ME3: variants seen among roughly 807,000 people sequenced by gnomAD.
The protein encoded by ME3 is malic enzyme 3.
Under a neutral mutation model 68.9 loss-of-function variants are expected in ME3, and 48 were observed. That is an observed-to-expected ratio of 0.70 (90% CI 0.55 to 0.89). The LOEUF (loss-of-function observed/expected upper bound fraction) is 0.89, where lower values mean the gene tolerates loss of function less well. ME3 is among the 40% of genes least tolerant of loss of function. ME3 has a pLI of 0.00. For synonymous variants in ME3, 320 were observed against 318.8 expected, an observed-to-expected ratio of 1.00 and a Z score of -0.04; for missense variants, 675 against 797.4, an observed-to-expected ratio of 0.85 and a Z score of 1.85.
At chr11:86,596,816 G>A (rs906841365) in intron 2 of ME3, among the ~76,000 whole-genome samples, 2 of 152,180 alleles carry the variant, frequency 1.3e-5, no homozygotes, top group African/African-American at 4.8e-5. Context: ...CTTCCCTTCT[G>A]CTCTCCTTTT....
chr11:86,580,109 C>G (rs1958351795), intron 2 of ME3, among the ~76,000 whole-genome samples: 1 of 152,190 alleles, frequency 6.6e-6, no homozygotes, highest in African/African-American at 2.4e-5. Flanking sequence ...GCTCGAGAAT[C>G]TATATGTTTA....
At chr11:86,437,693 A>G (rs1182005302), downstream of ME3, among the ~76,000 whole-genome samples, 1 of 152,126 alleles carries the variant, frequency 6.6e-6, no homozygotes, top group African/African-American at 2.4e-5. Flanking sequence ...ATTTATTTCT[A>G]AGTATCTTTT....
chr11:86,628,992 TC>T (rs2135311088), intron 2 of ME3, among the ~76,000 whole-genome samples: 1 of 152,330 alleles, frequency 6.6e-6, no homozygotes, highest in South Asian at 2.1e-4. Flanking sequence ...CCGCTCTTCT[TC>T]CTCACAGTCT....
chr11:86,659,926 T>G (rs1946169979), intron 2 of ME3, among the ~76,000 whole-genome samples: 1 of 151,976 alleles, frequency 6.6e-6, no homozygotes, highest in Non-Finnish European at 1.5e-5. Flanking sequence ...TTTAAGTTAG[T>G]TTTTAAACCT....
intron 2 of ME3, among the ~76,000 whole-genome samples, chr11:86,619,212 A>T (rs1220461742): frequency 6.6e-6 from 1 of 152,216 alleles, no homozygotes; most frequent in African/African-American, 2.4e-5. Flanking sequence ...TTTTCTCATA[A>T]ATTACCCAGT....
intron 2 of ME3, among the ~76,000 whole-genome samples, chr11:86,593,752 A>T (rs1959172837): frequency 6.8e-6 from 1 of 146,606 alleles, no homozygotes; most frequent in African/African-American, 2.5e-5. Context: ...TATGTATAAA[A>T]TTTTTTAGTC....
chr11:86,453,534 A>G (rs1389396893), intron 8 of ME3, among the ~76,000 whole-genome samples: 1 of 152,174 alleles, frequency 6.6e-6, no homozygotes, highest in Non-Finnish European at 1.5e-5. Flanking sequence ...CTTCCCCCCC[A>G]CCACCCCAGC....
rs149817705 is a variant in ME3, at chr11:86,641,926, T to C, written c.183+29836A>G. Reference sequence around the variant, plus strand: ...GCTTTTTACTTGGACAATTGGCTGATAGTGAGTCAAACTAGCCAAGAAAAT... The same window carrying C: ...GCTTTTTACTTGGACAATTGGCTGACAGTGAGTCAAACTAGCCAAGAAAAT... On this transcript the variant is annotated intron_variant, in intron 2 of 14. Coordinates refer to ENST00000543262, the Ensembl canonical transcript of ME3. Among the ~76,000 whole-genome samples the C allele has an allele frequency of 4.1e-4, 63 of 152,324 alleles. No individual in the cohort carries two copies. The East Asian group carries it at 0.011, about 27-fold the overall frequency.
intron 4 of ME3, among the ~76,000 whole-genome samples, chr11:86,515,683 G>A (rs1009058653): frequency 1.7e-4 from 26 of 152,140 alleles, no homozygotes; most frequent in Admixed American, 1.4e-3. Flanking sequence ...CTGAGATCCC[G>A]CTGATATGGT....
chr11:86,654,209 C>A (rs1437713849), intron 2 of ME3, among the ~76,000 whole-genome samples: 2 of 152,146 alleles, frequency 1.3e-5, no homozygotes, highest in Non-Finnish European at 2.9e-5. Context: ...CTATTCCAAT[C>A]AATAGAAAAT....
chr11:86,532,909 C>T lies in ME3; in HGVS notation c.467+23644G>A, dbSNP rs546472983. Among the ~76,000 whole-genome samples the T allele has an allele frequency of 7.7e-4, 117 of 152,106 alleles. 1 individual carries two copies. Among genetic ancestry groups the T allele is most frequent in the Admixed American group, 2.3e-3 (35 of 15,272 alleles). ...ACCCCGTCTCTACTAAAAAATTAGC[C>T]GGGCATGTTTCAGGCGACTGTAATC... On this transcript the variant is annotated intron_variant, in intron 4 of 14. Coordinates refer to ENST00000543262, the Ensembl canonical transcript of ME3.
At chr11:86,576,909 A>T (rs1361914853) in intron 2 of ME3, among the ~76,000 whole-genome samples, 2 of 152,178 alleles carry the variant, frequency 1.3e-5, no homozygotes, top group Non-Finnish European at 2.9e-5. Context: ...GATTCTATTC[A>T]AATTTGGAAA....
chr11:86,648,347 G>A (rs914958213), intron 2 of ME3, among the ~76,000 whole-genome samples: 13 of 152,136 alleles, frequency 8.5e-5, no homozygotes. Context: ...AAAATTTGTA[G>A]CCCTAAATGC....
intron 2 of ME3, among the ~76,000 whole-genome samples, chr11:86,579,878 T>C (rs1055236507): frequency 1.3e-5 from 2 of 152,202 alleles, no homozygotes; most frequent in Admixed American, 1.3e-4. Context: ...GCTGTTTGAA[T>C]GGCATTCCCA....
intron 4 of ME3, among the ~76,000 whole-genome samples, chr11:86,520,709 T>A (rs1441281261): frequency 6.6e-6 from 1 of 152,234 alleles, no homozygotes; most frequent in Non-Finnish European, 1.5e-5. Context: ...TTCCACTGAT[T>A]GCATGGGTCC....
chr11:86,527,455 A>G (rs1337764958), intron 4 of ME3, among the ~76,000 whole-genome samples: 4 of 152,234 alleles, frequency 2.6e-5, no homozygotes, highest in African/African-American at 9.6e-5. Context: ...GATATTATAC[A>G]TGAGAACTTC....
At chr11:86,641,130 T>A (rs10501628) in intron 2 of ME3, among the ~76,000 whole-genome samples, 2 of 151,838 alleles carry the variant, frequency 1.3e-5, no homozygotes, top group African/African-American at 2.4e-5. Flanking sequence ...TTACTGACCC[T>A]TATGCAATTC....
intron 6 of ME3, among the ~76,000 whole-genome samples, chr11:86,494,897 T>G (rs1348786976): frequency 6.6e-6 from 1 of 152,112 alleles, no homozygotes; most frequent in East Asian, 1.9e-4. Flanking sequence ...AGAACAAAAT[T>G]ACATTATGAT....
rs2139390382 is a variant in ME3, at chr11:86,547,370, T to G, written c.467+9183A>C. 2.0e-5 allele frequency among the ~76,000 whole-genome samples: 3 copies of G among 147,890 alleles called. No homozygotes were observed. The Middle Eastern group carries it at 0.01, about 514-fold the overall frequency. On this transcript the variant is annotated intron_variant, in intron 4 of 14. Coordinates refer to ENST00000543262, the Ensembl canonical transcript of ME3. ...CTGGAAACCATCATTCTCAGCAAACTAACACAGGAACAGAAAACCAAACAC... is the reference window on the plus strand; with the variant it reads ...CTGGAAACCATCATTCTCAGCAAACGAACACAGGAACAGAAAACCAAACAC...
Sources: gnomAD v4.1 joint callset for allele counts (sites outside exome capture counted in the v4.1 genomes callset) on GRCh38, gnomAD v4.1.1 for gene constraint, MANE v1.5 for transcripts, NCBI Gene and HGNC (gene_info 2026-07-23, HGNC 2026-07-21) for gene names.